The following ABCC6 variants were observed in gnomAD, a reference collection of about 807,000 sequenced individuals.
The protein encoded by ABCC6 is ATP binding cassette subfamily C member 6, also known as ATP-binding cassette sub-family C member 6.
Under a neutral mutation model 169.5 loss-of-function variants are expected in ABCC6, and 126 were observed. The ratio of observed to expected loss-of-function variants is 0.74; its 90% CI spans 0.64 to 0.86. The LOEUF is 0.86. Ranked by LOEUF, ABCC6 falls within the 40% of genes least tolerant of loss-of-function variation. The pLI is 0.00. For missense variants in ABCC6, 1,733 were observed against 1,927.2 expected (o/e 0.90, Z 1.89); for synonymous variants, 752 against 814.7 (o/e 0.92, Z 1.31).
chr16:16,195,052 T>C (rs568761555), intron 10 of ABCC6, among the ~76,000 whole-genome samples: 2 of 152,158 alleles, frequency 1.3e-5, no homozygotes, highest in South Asian at 4.2e-4. Context: ...AGTGGCTCAA[T>C]GGAGAAGGGC....
At chr16:16,213,972 C>A (rs1226299562) in intron 5 of ABCC6, among the ~76,000 whole-genome samples, 1 of 147,566 alleles carries the variant, frequency 6.8e-6, no homozygotes, top group Non-Finnish European at 1.5e-5. Flanking sequence ...ATCCTTATGC[C>A]CTTGCTAGGG....
chr16:16,150,002 T>G lies in ABCC6; in HGVS notation c.*131A>C. ...TAATTGGCCACTTTCTCTGCCATTT[T>G]CCTCCCAGAGAGCAAACACAGGTCT... On this transcript the variant is annotated 3_prime_UTR_variant, in exon 31 of 31. Coordinates refer to ENST00000205557, the MANE Select transcript of ABCC6 (RefSeq NM_001171.6). The G allele has an allele frequency of 1.4e-6, 2 of 1,396,970 alleles. No homozygotes were observed. Among genetic ancestry groups the G allele is most frequent in the Non-Finnish European group, 2.0e-6 (2 of 1,009,926 alleles). 86.5% of individuals were successfully genotyped at this position (1,396,970 alleles called of 1,614,324 possible). A position where few individuals can be genotyped will look rare whatever the true frequency, so the allele number is the denominator to read the frequency against.
rs370494121 is a variant in ABCC6 at position 16,192,887 on chromosome 16, G to A, written c.1374C>T (p.Val458=). 3 of 1,614,066 alleles carry A rather than the reference G, an allele frequency of 1.9e-6. No homozygotes were observed. The highest frequency in any genetic ancestry group is 1.7e-6 in the Non-Finnish European group (2 of 1,180,046). Reference sequence around the variant, plus strand: ...AATTCAGAGGGAGGAGGCTCAGGAAGACAGCGATGGCAGTGAGGGCGGAGG... The same window carrying A: ...AATTCAGAGGGAGGAGGCTCAGGAAAACAGCGATGGCAGTGAGGGCGGAGG... ...LGPSALTAIA[V]FLSLLPLNFF... The change falls in exon 11 of 31, where the codon GTC becomes GTT. Residue 458 remains valine, a synonymous_variant. Transcript: ENST00000205557.
chr16:16,222,668 C>T (rs924596767), intron 1 of ABCC6, among the ~76,000 whole-genome samples: 15 of 152,044 alleles, frequency 9.9e-5, no homozygotes, highest in Non-Finnish European at 2.2e-4. Context: ...CAAGAGCCAC[C>T]GGCCCAGCTT....
chr16:16,201,281 A>G (rs2048228268), intron 9 of ABCC6, among the ~76,000 whole-genome samples: 1 of 152,050 alleles, frequency 6.6e-6, no homozygotes. Flanking sequence ...GGTCATTTTT[A>G]CCCCAAGCAG....
chr16:16,201,558 G>T (rs2048234992), intron 9 of ABCC6, among the ~76,000 whole-genome samples: 1 of 152,110 alleles, frequency 6.6e-6, no homozygotes, highest in South Asian at 2.1e-4. Flanking sequence ...ACACCCTAGG[G>T]ACAGATCACA....
intron 21 of ABCC6, among the ~76,000 whole-genome samples, chr16:16,171,934 G>T (rs111984329): frequency 3.1e-5 from 3 of 97,394 alleles, no homozygotes; most frequent in African/African-American, 1.1e-4. Context: ...TGGATAAATG[G>T]GTGGGTGGGA....
intron 17 of ABCC6, among the ~76,000 whole-genome samples, chr16:16,180,241 T>G (rs1026082483): frequency 1.3e-5 from 2 of 152,164 alleles, no homozygotes; most frequent in Non-Finnish European, 2.9e-5. Flanking sequence ...CACAGACTGG[T>G]GCTGATCCAT....
intron 6 of ABCC6, among the ~76,000 whole-genome samples, chr16:16,211,148 T>C (rs1415411236): frequency 1.3e-5 from 2 of 150,596 alleles, no homozygotes; most frequent in African/African-American, 4.9e-5. Context: ...ACACCTGTAA[T>C]CCCAGCACTT....
intron 9 of ABCC6, among the ~76,000 whole-genome samples, chr16:16,198,999 G>GAAA (rs201256808): frequency 8.8e-5 from 7 of 79,452 alleles, no homozygotes; most frequent in Non-Finnish European, 1.6e-4. Flanking sequence ...ATTTCGGGGG[G>GAAA]GAAAAAAGAA....
At position 16,150,196 on chromosome 16, in the gene ABCC6, C is replaced by T. The variant is rs776255682; in HGVS notation, c.4449G>A (p.Pro1483=). 2.4e-5 allele frequency: 39 copies of T among 1,613,522 alleles called. No individual in the cohort carries two copies. Among genetic ancestry groups the T allele is most frequent in the Middle Eastern group, 3.3e-4 (2 of 5,986 alleles). The change falls in exon 31 of 31, where the codon CCG becomes CCA. Residue 1483 remains proline (P), a synonymous_variant. Coordinates refer to ENST00000205557, the MANE Select transcript of ABCC6 (RefSeq NM_001171.6). Reference sequence around the variant, plus strand: ...GGCCCTTCTGGGCCAGCAGCTGGGCCGGGCTGCCGCTCTCTGCCACCTGCC... The same window carrying T: ...GGCCCTTCTGGGCCAGCAGCTGGGCTGGGCTGCCGCTCTCTGCCACCTGCC... ...DKGQVAESGS[P]AQLLAQKGLF...
Position 16,165,543 on chromosome 16 carries a change from A to G in ABCC6, c.3306+80T>C, listed in dbSNP as rs1464845814. 23 of 1,507,604 alleles carry G rather than the reference A, an allele frequency of 1.5e-5. 2 individuals are homozygous for G. The Admixed American group carries it at 3.2e-4, about 21-fold the overall frequency. 93.4% of individuals were successfully genotyped at this position (1,507,604 alleles called of 1,614,324 possible). A position where few individuals can be genotyped will look rare whatever the true frequency, so the allele number is the denominator to read the frequency against. On this transcript the variant is annotated intron_variant, in intron 23 of 30. Transcript: ENST00000205557. ...GATGTCCAGCTGGGTGAAACCTCAT[A>G]TATGGAGTCTTCCCCAGAGACAGGG...
intron 23 of ABCC6, among the ~76,000 whole-genome samples, chr16:16,165,378 A>T (rs1293671776): frequency 1.3e-5 from 2 of 152,164 alleles, no homozygotes; most frequent in African/African-American, 4.8e-5. Context: ...CACCTATTGC[A>T]CTTCAGCCTT....
intron 6 of ABCC6, among the ~76,000 whole-genome samples, chr16:16,209,994 G>C (rs2048546900): frequency 6.6e-6 from 1 of 152,110 alleles, no homozygotes; most frequent in African/African-American, 2.4e-5. Context: ...GCCTTCCAAA[G>C]TGTTGGGATT....
At chr16:16,177,177 G>A (rs1424717802) in intron 19 of ABCC6, among the ~76,000 whole-genome samples, 1 of 152,224 alleles carries the variant, frequency 6.6e-6, no homozygotes, top group African/African-American at 2.4e-5. Context: ...TAAAATGACA[G>A]CAATAACTTC....
In ABCC6 at chr16:16,208,308, G is replaced by A. The variant is rs946289014; in HGVS notation, c.794+420C>T. On this transcript the variant is annotated intron_variant, in intron 7 of 30. Transcript: ENST00000205557. ...GAGGCGGCAGTGCCGCCAGAGTAGC[G>A]TTGGGGGCTGGACTGGGGGTCAAAT... Among the ~76,000 whole-genome samples the A allele has an allele frequency of 1.5e-4, 23 of 152,208 alleles. 1 individual carries two copies. The highest frequency in any genetic ancestry group is 4.6e-4 in the Admixed American group (7 of 15,306).
At chr16:16,178,092 G>A (rs1222001931) in intron 18 of ABCC6, among the ~76,000 whole-genome samples, 1 of 151,774 alleles carries the variant, frequency 6.6e-6, no homozygotes, top group Non-Finnish European at 1.5e-5. Flanking sequence ...TTGGGAGGCC[G>A]AGGCAGATGG....
chr16:16,190,322 A>G lies in ABCC6; in HGVS notation c.1477T>C (p.Ser493Pro), dbSNP rs1254882920. 4.3e-6 allele frequency: 7 copies of G among 1,614,146 alleles called. No homozygotes were observed. The South Asian group carries it at 7.7e-5, about 18-fold the overall frequency. Residue 493 changes from serine (S) to proline (P), a missense_variant, in exon 12 of 31, where the codon TCT becomes CCT. Coordinates refer to ENST00000205557, the MANE Select transcript of ABCC6 (RefSeq NM_001171.6). The part of the protein sequence containing the change: ...QKDSRARLTS[S>P]ILRNSKTIKF... ...ATGGTCTTCGAGTTCCTGAGGATAGAGCTGGTGAGCCGTGCCCGTGAGTCC... is the reference window on the plus strand; with the variant it reads ...ATGGTCTTCGAGTTCCTGAGGATAGGGCTGGTGAGCCGTGCCCGTGAGTCC...
intron 14 of ABCC6, 145 bp downstream of exon 14, chr16:16,186,979 C>A (rs1037074318): frequency 1.5e-5 from 11 of 719,768 alleles, no homozygotes; most frequent in Non-Finnish European, 2.7e-5. Context: ...CCAAGTGACA[C>A]GCAGATGGCG....
Sources: allele counts gnomAD v4.1 joint callset (sites outside exome capture counted in the v4.1 genomes callset), GRCh38; gene constraint gnomAD v4.1.1; transcripts MANE v1.5; gene names NCBI Gene and HGNC (gene_info 2026-07-23, HGNC 2026-07-21).